The following PPP1CB variants were observed in gnomAD, a reference collection of about 807,000 sequenced individuals.
The protein encoded by PPP1CB is protein phosphatase 1 catalytic subunit beta.
A neutral mutation model predicts 43.7 loss-of-function variants in PPP1CB; 2 were observed. The ratio of observed to expected loss-of-function variants is 0.05; its 90% CI spans 0.02 to 0.14. The LOEUF (loss-of-function observed/expected upper bound fraction) is 0.14. Among genes scored for constraint, PPP1CB ranks in the 10% least tolerant of loss-of-function variants. The pLI is 1.00. For missense variants in PPP1CB, 84 were observed against 398.0 expected (o/e 0.21, Z 6.71); for synonymous variants, 136 against 135.6 (o/e 1.00, Z -0.02).
At chr2:28,765,316 A>G (rs577613565) in intron 1 of PPP1CB, among the ~76,000 whole-genome samples, 112 of 152,312 alleles carry the variant, frequency 7.4e-4, no homozygotes, top group Non-Finnish European at 1.5e-3. Flanking sequence ...TATGTATTTC[A>G]TCTTAGAAGA....
At chr2:28,789,934 G>A (rs1667351685) in intron 6 of PPP1CB, among the ~76,000 whole-genome samples, 2 of 152,166 alleles carry the variant, frequency 1.3e-5, no homozygotes, top group South Asian at 4.2e-4. Context: ...GCATAATGGC[G>A]ATTTTGATAA....
chr2:28,772,306 G>GA (rs899115678), intron 1 of PPP1CB, among the ~76,000 whole-genome samples: 21 of 151,022 alleles, frequency 1.4e-4, no homozygotes, highest in African/African-American at 4.8e-4. Flanking sequence ...ATCTCAAAAA[G>GA]AAAAAAAAGG....
In PPP1CB at chr2:28,800,226, C is replaced by CTTTTTTTTTTTTTTTGTTTTTTTTTT. The variant is rs1667583810; in HGVS notation, c.*938_*939insGTTTTTTTTTTTTTTTTTTTTTTTTT. 1 of 65,628 alleles carries CTTTTTTTTTTTTTTTGTTTTTTTTTT rather than the reference C, an allele frequency of 1.5e-5. No individual in the cohort carries two copies. The highest frequency in any genetic ancestry group is 2.7e-5 in the Non-Finnish European group (1 of 36,888). The allele number at this position is 65,628 out of a possible 1,614,324, so 4.1% of individuals were successfully genotyped here. A position where few individuals can be genotyped will look rare whatever the true frequency, so the allele number is the denominator to read the frequency against. On this transcript the variant is annotated 3_prime_UTR_variant, in exon 8 of 8. Coordinates refer to ENST00000395366, the MANE Select transcript of PPP1CB (RefSeq NM_002709.3). Reference sequence around the variant, plus strand: ...TTGGTTTTCTTTTTCTTTTTTCTTTCTTTTTTTTTTTTTTTTTTTTTTTGA... The same window carrying CTTTTTTTTTTTTTTTGTTTTTTTTTT: ...TTGGTTTTCTTTTTCTTTTTTCTTTCTTTTTTTTTTTTTTTGTTTTTTTTTTTTTTTTTTTTTTTTTTTTTTTTTGA...
intron 1 of PPP1CB, among the ~76,000 whole-genome samples, chr2:28,765,653 G>T (rs183505464): frequency 6.6e-6 from 1 of 152,180 alleles, no homozygotes; most frequent in African/African-American, 2.4e-5. Context: ...ATGGTGGCTC[G>T]CGCCTTTAAT....
At chr2:28,765,843 G>A (rs925649251) in intron 1 of PPP1CB, among the ~76,000 whole-genome samples, 3 of 152,170 alleles carry the variant, frequency 2.0e-5, no homozygotes, top group African/African-American at 7.2e-5. Flanking sequence ...GAGCCAGTAG[G>A]CTGTAGTGAG....
At chr2:28,754,978 C>G (rs1333049349) in intron 1 of PPP1CB, among the ~76,000 whole-genome samples, 3 of 152,194 alleles carry the variant, frequency 2.0e-5, no homozygotes, top group African/African-American at 7.2e-5. Context: ...ATACACACTT[C>G]TGGTGACTAC....
In PPP1CB at chr2:28,799,883, T is replaced by C. The variant is rs930280268; in HGVS notation, c.*580T>C. On this transcript the variant is annotated 3_prime_UTR_variant, in exon 8 of 8. Transcript: ENST00000395366. The stretch of plus-strand genomic sequence containing the variant: ...GCCTCATTACATTAAAAAGGAATTT[T>C]AGAGATTGATTGTTTTAAAAAAAAA... 3 of 152,522 alleles carry C rather than the reference T, an allele frequency of 2.0e-5. No individual in the cohort carries two copies. The highest frequency in any genetic ancestry group is 6.6e-5 in the Admixed American group (1 of 15,266). 9.4% of individuals were successfully genotyped at this position (152,522 alleles called of 1,614,324 possible). A position where few individuals can be genotyped will look rare whatever the true frequency, so the allele number is the denominator to read the frequency against.
intron 7 of PPP1CB, among the ~76,000 whole-genome samples, chr2:28,797,186 C>T (rs557383375): frequency 9.2e-5 from 14 of 152,096 alleles, no homozygotes; most frequent in Admixed American, 2.6e-4. Context: ...ATTTTGTTGA[C>T]GATTTTGCAT....
intron 6 of PPP1CB, 71 bp downstream of exon 6, chr2:28,788,880 C>A (rs1667329499): frequency 3.1e-5 from 43 of 1,406,144 alleles, no homozygotes; most frequent in Non-Finnish European, 4.1e-5. Context: ...GAGGGGCAGA[C>A]AGATTCTTGT....
At chr2:28,779,525 CTTATT>C (rs1259004510) in intron 3 of PPP1CB, among the ~76,000 whole-genome samples, 2 of 151,946 alleles carry the variant, frequency 1.3e-5, no homozygotes, top group Non-Finnish European at 2.9e-5. Flanking sequence ...CTGGGGTATC[CTTATT>C]TTACTCTCTT....
At chr2:28,794,334 G>C (rs1667450480) in intron 7 of PPP1CB, among the ~76,000 whole-genome samples, 1 of 152,102 alleles carries the variant, frequency 6.6e-6, no homozygotes, top group Non-Finnish European at 1.5e-5. Context: ...GTTTTCTTTT[G>C]CAAAGTAAAT....
rs146805572 is a variant in PPP1CB at position 28,757,282 on chromosome 2, A to G, written c.52+5106A>G. 2.5e-3 allele frequency among the ~76,000 whole-genome samples: 380 copies of G among 152,190 alleles called. 5 individuals are homozygous for G. The highest frequency in any genetic ancestry group is 6.8e-3 in the African/African-American group (281 of 41,526). ...ACATTTTTAATTCATTCATCAGTTGATGGACATTTTGTTTTCTTTCGGCTA... is the reference window on the plus strand; with the variant it reads ...ACATTTTTAATTCATTCATCAGTTGGTGGACATTTTGTTTTCTTTCGGCTA... On this transcript the variant is annotated intron_variant, in intron 1 of 7. Transcript: ENST00000395366.
In PPP1CB at chr2:28,776,388, A is replaced by G. The variant is rs368548711; in HGVS notation, c.53-463A>G. 3.3e-5 allele frequency among the ~76,000 whole-genome samples: 5 copies of G among 151,814 alleles called. No homozygotes were observed. In the East Asian group the frequency reaches 5.8e-4, roughly 18 times the overall value. On this transcript the variant is annotated intron_variant, in intron 1 of 7. Coordinates refer to ENST00000395366, the MANE Select transcript of PPP1CB (RefSeq NM_002709.3). ...GCGATTCTCCTAACTCAGCCTCCCAATTAGCTGGGATTACAGGCATGCGCC... is the reference window on the plus strand; with the variant it reads ...GCGATTCTCCTAACTCAGCCTCCCAGTTAGCTGGGATTACAGGCATGCGCC...
intron 6 of PPP1CB, 64 bp downstream of exon 6, chr2:28,788,873 G>A (rs923154472): frequency 5.3e-5 from 76 of 1,435,022 alleles, no homozygotes; most frequent in Non-Finnish European, 6.7e-5. Flanking sequence ...GCAGACGGAG[G>A]GGCAGACAGA....
intron 5 of PPP1CB, among the ~76,000 whole-genome samples, chr2:28,788,325 GGTT>G (rs1645638599): frequency 6.6e-6 from 1 of 152,174 alleles, no homozygotes; most frequent in African/African-American, 2.4e-5. Context: ...AATACCACTG[GGTT>G]GTTTGGTTAT....
rs767240842 is a variant in PPP1CB, at chr2:28,751,867, C to A, written c.-258C>A. The A allele has an allele frequency of 7.3e-6, 4 of 549,462 alleles. No homozygotes were observed. The highest frequency in any genetic ancestry group is 1.9e-5 in the African/African-American group (1 of 51,410). 34.0% of individuals were successfully genotyped at this position (549,462 alleles called of 1,614,324 possible). A position where few individuals can be genotyped will look rare whatever the true frequency, so the allele number is the denominator to read the frequency against. On this transcript the variant is annotated 5_prime_UTR_variant, in exon 1 of 8. Coordinates refer to ENST00000395366, the MANE Select transcript of PPP1CB (RefSeq NM_002709.3). ...GGTGCCGAGGAGGAGGAGGTGGCGG[C>A]CTGGGTCTGACGCGGCCCTGTTCGA...
At chr2:28,758,100 A>G (rs2148455264) in intron 1 of PPP1CB, among the ~76,000 whole-genome samples, 1 of 148,576 alleles carries the variant, frequency 6.7e-6, no homozygotes, top group African/African-American at 2.5e-5. Flanking sequence ...GTTGGAGTGC[A>G]GTGGCATGAA....
intron 5 of PPP1CB, among the ~76,000 whole-genome samples, chr2:28,786,642 G>C (rs1274044625): frequency 6.6e-6 from 1 of 151,936 alleles, no homozygotes; most frequent in African/African-American, 2.4e-5. Context: ...GGGTGTGGCA[G>C]TGGGCGCCTG....
At chr2:28,779,181 G>A in intron 3 of PPP1CB, 142 bp downstream of exon 3, 1 of 594,280 alleles carries the variant, frequency 1.7e-6, no homozygotes, top group South Asian at 2.5e-5. Context: ...CCTGAAACTG[G>A]GAAACATGTT....
Sources: gnomAD v4.1 joint callset for allele counts (sites outside exome capture counted in the v4.1 genomes callset) on GRCh38, gnomAD v4.1.1 for gene constraint, MANE v1.5 for transcripts, NCBI Gene and HGNC (gene_info 2026-07-23, HGNC 2026-07-21) for gene names.